Variants in RHBG observed in about 807,000 individuals in gnomAD.
RHBG encodes Rh family B glycoprotein.
In RHBG, 39 loss-of-function variants were observed where a neutral mutation model predicts 40.1. The ratio of observed to expected loss-of-function variants is 0.97; its 90% confidence interval spans 0.75 to 1.27. The LOEUF is 1.27. Ranked by LOEUF, RHBG falls within the 50% of genes most tolerant of loss-of-function variation. The pLI, the probability that RHBG is intolerant of heterozygous loss-of-function variation, is 0.00. For synonymous variants in RHBG, 237 were observed against 252.5 expected, an observed-to-expected ratio of 0.94 and a Z score of 0.58; for missense variants, 549 against 588.1, an observed-to-expected ratio of 0.93 and a Z score of 0.69.
intron 4 of RHBG, among the ~76,000 whole-genome samples, chr1:156,379,609 C>T (rs566731001): frequency 2.0e-5 from 3 of 152,284 alleles, no homozygotes; most frequent in African/African-American, 7.2e-5. Context: ...TCTCAGCTGT[C>T]TGCCTCCCAG....
intron 1 of RHBG, among the ~76,000 whole-genome samples, chr1:156,369,841 G>T (rs1341855180): frequency 6.6e-6 from 1 of 152,080 alleles, no homozygotes; most frequent in African/African-American, 2.4e-5. Flanking sequence ...CTTTCCTAGG[G>T]GCTCCACCCT....
rs1178000526 is a variant in RHBG, at chr1:156,382,870, G to A, written c.1234+1G>A. 1.9e-6 allele frequency: 3 copies of A among 1,614,250 alleles called. No homozygotes were observed. The highest frequency in any genetic ancestry group is 2.2e-5 in the South Asian group (2 of 91,086). On this transcript the variant is annotated splice_donor_variant, in intron 8 of 9. Transcript: ENST00000537040. LOFTEE classifies it high-confidence loss of function. ...GCCTCTGTGGGCGGGGGCCTTGGAG[G>A]TGAGTAACCTTGGATTTTCTAGAGG...
chr1:156,376,196 A>G lies in RHBG; in HGVS notation c.188-1105A>G, dbSNP rs1667185745. ...TCTATAAAGTTAAAATATTCAAACT[A>G]TAGAAAGAAACTAAAAAGTAAAATC... is the stretch of plus-strand genomic sequence containing the variant. On this transcript the variant is annotated intron_variant, in intron 1 of 9. Coordinates refer to ENST00000537040, the MANE Select transcript of RHBG (RefSeq NM_020407.5). 2.6e-5 allele frequency among the ~76,000 whole-genome samples: 4 copies of G among 152,180 alleles called. No individual in the cohort carries two copies. The South Asian group carries it at 8.3e-4, about 32-fold the overall frequency.
rs1294934060 is a variant in RHBG at position 156,381,504 on chromosome 1, G to C, written c.831G>C (p.Arg277Ser). The change falls in exon 5 of 10, where the codon AGG (arginine) becomes AGC (serine). Residue 277 changes from arginine to serine, a missense_variant. By Grantham distance (110) the Arg-to-Ser change is moderately radical (BLOSUM62 -1). Coordinates refer to ENST00000537040, the MANE Select transcript of RHBG (RefSeq NM_020407.5). Reference protein sequence around the residue: ...ALSALVGEDGRLDMVHIQNAA... With the variant: ...ALSALVGEDGSLDMVHIQNAA... ...CAGCCCTTGTAGGGGAAGATGGGAG[G>C]CTTGACATGGTATGGGGAAGAGGAC... The C allele has an allele frequency of 1.9e-6, 3 of 1,609,556 alleles. No homozygotes were observed. The South Asian group carries it at 3.3e-5, about 18-fold the overall frequency.
Position 156,377,163 on chromosome 1 carries a change from T to C in RHBG, c.188-138T>C. The C allele has an allele frequency of 1.0e-6, 1 of 961,938 alleles. No individual in the cohort carries two copies. Among genetic ancestry groups the C allele is most frequent in the Non-Finnish European group, 1.6e-6 (1 of 631,850 alleles). 59.6% of individuals were successfully genotyped at this position (961,938 alleles called of 1,614,324 possible). On this transcript the variant is annotated intron_variant, in intron 1 of 9. Coordinates refer to ENST00000537040, the MANE Select transcript of RHBG (RefSeq NM_020407.5). This position sits in a 1 kb window ranked among gnomAD's most constrained non-coding sequence, Gnocchi z 4.6. ...GGCTCAGGGCTGGGAGCCCCTGACA[T>C]GCCTGGGGAGTTTTATAGGCTCGGC...
intron 8 of RHBG, among the ~76,000 whole-genome samples, chr1:156,383,215 G>C (rs1667794257): frequency 6.6e-6 from 1 of 152,218 alleles, no homozygotes; most frequent in Non-Finnish European, 1.5e-5. Context: ...GACAAGGAGG[G>C]GAGGAGATGG....
Position 156,377,287 on chromosome 1 carries a change from C to T in RHBG, c.188-14C>T. 3 of 1,611,770 alleles carry T rather than the reference C, an allele frequency of 1.9e-6. No individual in the cohort carries two copies. The highest frequency in any genetic ancestry group is 2.5e-6 in the Non-Finnish European group (3 of 1,178,244). ...GCAGCCCCCAAGTGCCCCGCCTGTC[C>T]CTGCCCGCTGCAGGCTTCCAGGACG... On this transcript the variant is annotated splice_polypyrimidine_tract_variant and intron_variant, in intron 1 of 9. Coordinates refer to ENST00000537040, the MANE Select transcript of RHBG (RefSeq NM_020407.5). The surrounding 1 kb of genome is among the most constrained non-coding windows in gnomAD (Gnocchi z 4.6).
rs372596217 is a variant in RHBG, at chr1:156,384,580, G to C, written c.1288G>C (p.Glu430Gln). 2.5e-6 allele frequency: 4 copies of C among 1,582,970 alleles called. No homozygotes were observed. The highest frequency in any genetic ancestry group is 2.6e-6 in the Non-Finnish European group (3 of 1,162,848). ...CTCCCCCCCAGACTCCCAGCACTACGAGGACCAAGTTCACTGGCAGGTGAG... is the reference window on the plus strand; with the variant it reads ...CTCCCCCCCAGACTCCCAGCACTACCAGGACCAAGTTCACTGGCAGGTGAG... ...LDSPPDSQHY[E>Q]DQVHWQVPGE... is the part of the protein sequence containing the mutation. Residue 430 changes from glutamate (E) to glutamine (Q), a missense_variant, in exon 9 of 10, where the codon GAG (glutamate) becomes CAG (glutamine). Physicochemically the swap from Glu to Gln is conservative, Grantham distance 29 (BLOSUM62 2). This residue lies in a region of RHBG where 399 missense variants were observed against 417.0 expected (regional missense o/e 0.96). Transcript: ENST00000537040.
rs1472898635 is a variant in RHBG, at chr1:156,382,189, C to T, written c.1100C>T (p.Ala367Val). 1.2e-6 allele frequency: 2 copies of T among 1,614,012 alleles called. No individual in the cohort carries two copies. The highest frequency in any genetic ancestry group is 2.7e-5 in the African/African-American group (2 of 74,910). The change falls in exon 7 of 10, where the codon GCT (alanine) becomes GTT (valine). Residue 367 changes from alanine to valine, a missense_variant. Around this residue, in one of 3 missense-constraint regions of RHBG, gnomAD observed 399 missense variants for 417.0 expected, o/e 0.96. Coordinates refer to ENST00000537040, the MANE Select transcript of RHBG (RefSeq NM_020407.5). The stretch of plus-strand genomic sequence containing the variant: ...GTGGCTGGACTTGCCACCCATGAAG[C>T]TTACGGAGATGGGTGAGTTTCCTCC... The part of the protein sequence containing the change: ...VLVAGLATHE[A>V]YGDGLESVFP...
chr1:156,376,810 G>A lies in RHBG; in HGVS notation c.188-491G>A, dbSNP rs962657170. Among the ~76,000 whole-genome samples the A allele has an allele frequency of 2.0e-5, 3 of 152,218 alleles. No individual in the cohort carries two copies. In the South Asian group the frequency reaches 6.2e-4, roughly 31 times the overall value. On this transcript the variant is annotated intron_variant, in intron 1 of 9. Coordinates refer to ENST00000537040, the MANE Select transcript of RHBG (RefSeq NM_020407.5). ...ATCATGCCGCTGCACTCTTCCCTGG[G>A]TGACAGAGCGAGACATCTAGTAATA...
chr1:156,377,613 C>T lies in RHBG; in HGVS notation c.374+126C>T. 1 of 995,296 alleles carries T rather than the reference C, an allele frequency of 1.0e-6. No homozygotes were observed. The highest frequency in any genetic ancestry group is 1.5e-6 in the Non-Finnish European group (1 of 689,444). 61.7% of individuals were successfully genotyped at this position (995,296 alleles called of 1,614,324 possible). ...CACGATTCTGGGCGTCACTTGGTTT[C>T]TCTAGGTGTCCTGCCTGTCCTTATT... is the stretch of plus-strand genomic sequence containing the variant. On this transcript the variant is annotated intron_variant, in intron 2 of 9. Transcript: ENST00000537040. This position sits in a 1 kb window ranked among gnomAD's most constrained non-coding sequence, Gnocchi z 4.6.
chr1:156,380,095 T>A (rs1377841991), intron 4 of RHBG, among the ~76,000 whole-genome samples: 1 of 149,808 alleles, frequency 6.7e-6, no homozygotes, highest in African/African-American at 2.4e-5. Flanking sequence ...TTGCCTTTTT[T>A]CCTTTCCTTT....
chr1:156,382,836 C>T lies in RHBG; in HGVS notation c.1201C>T (p.Leu401=), dbSNP rs1280060658. The T allele has an allele frequency of 3.1e-6, 5 of 1,614,134 alleles. No individual in the cohort carries two copies. Among genetic ancestry groups the T allele is most frequent in the Non-Finnish European group, 4.2e-6 (5 of 1,180,054 alleles). ...CCAGCTCTTCGGGCTGTTTGTCACA[C>T]TGATGTTTGCCTCTGTGGGCGGGGG... ...MHQLFGLFVT[L]MFASVGGGLG... Residue 401 remains leucine, a synonymous_variant, in exon 8 of 10, where the codon CTG becomes TTG. Coordinates refer to ENST00000537040, the MANE Select transcript of RHBG (RefSeq NM_020407.5).
chr1:156,381,192 G>A (rs925867010), intron 4 of RHBG, among the ~76,000 whole-genome samples, 155 bp from the exon 5 acceptor site: 1 of 152,154 alleles, frequency 6.6e-6, no homozygotes, highest in Non-Finnish European at 1.5e-5. Flanking sequence ...GTGAGCCACC[G>A]TGCCCAGCCC....
At chr1:156,374,834 C>T in intron 1 of RHBG, 1 of 260,300 alleles carries the variant, frequency 3.8e-6, no homozygotes, top group Non-Finnish European at 7.7e-6. Flanking sequence ...GATCTGCCTG[C>T]CTCGGCCTCC....
rs1003275717 is a variant in RHBG at position 156,384,693 on chromosome 1, C to T, written c.1309-84C>T. On this transcript the variant is annotated intron_variant, in intron 9 of 9. Transcript: ENST00000537040. ...TTGCCTTCTTCCTTCCTTGCTGCTC[C>T]TTCTCCTCTGGGGTACACCCCTGAA... 8 of 1,544,756 alleles carry T rather than the reference C, an allele frequency of 5.2e-6. No homozygotes were observed. In the African/African-American group the frequency reaches 6.9e-5, roughly 13 times the overall value.
chr1:156,382,623 C>A, intron 7 of RHBG, 125 bp from the exon 8 acceptor site: 1 of 1,224,724 alleles, frequency 8.2e-7, no homozygotes, highest in South Asian at 1.3e-5. Context: ...GGCATGCACC[C>A]TCGAGACCCT....
chr1:156,381,837 G>A lies in RHBG; in HGVS notation c.872G>A (p.Gly291Glu). ...VHIQNAALAG[G>E]VVVGTSSEMM... is the part of the protein sequence containing the mutation. ...ATCCAAAATGCAGCGCTGGCTGGAG[G>A]GGTTGTGGTGGGGACCTCAAGTGAA... is the stretch of plus-strand genomic sequence containing the variant. Residue 291 changes from glycine to glutamate, a missense_variant, in exon 6 of 10, where the codon GGG becomes GAG. Around this residue, in one of 3 missense-constraint regions of RHBG, gnomAD observed 399 missense variants for 417.0 expected, o/e 0.96. Transcript: ENST00000537040. 2 of 1,593,284 alleles carry A rather than the reference G, an allele frequency of 1.3e-6. No homozygotes were observed. The highest frequency in any genetic ancestry group is 8.5e-7 in the Non-Finnish European group (1 of 1,175,132).
At chr1:156,382,683 C>T in intron 7 of RHBG, 65 bp from the exon 8 acceptor site, 5 of 1,596,696 alleles carry the variant, frequency 3.1e-6, no homozygotes, top group Non-Finnish European at 4.3e-6. Flanking sequence ...ATGAGCAGCC[C>T]TGGCCCCGGG....
Sources: gnomAD v4.1 joint callset for allele counts (sites outside exome capture counted in the v4.1 genomes callset) on GRCh38, gnomAD v4.1.1 for gene constraint, gnomAD v4.1.1 regional missense constraint, Gnocchi (gnomAD v3.1) non-coding constraint, MANE v1.5 for transcripts, NCBI Gene and HGNC (gene_info 2026-07-23, HGNC 2026-07-21) for gene names.